The following TRMT11 variants were observed in gnomAD, a reference collection of about 807,000 sequenced individuals.
TRMT11 encodes the protein tRNA methyltransferase 11.
A neutral mutation model predicts 62.8 loss-of-function variants in TRMT11; 53 were observed. The observed-to-expected ratio is 0.84, with a 90% CI of 0.68 to 1.06. The LOEUF is 1.06. TRMT11 is among the 50% of genes least tolerant of loss of function. The pLI is 0.00. For synonymous variants in TRMT11, 188 were observed against 190.3 expected (o/e 0.99, Z 0.10); for missense variants, 556 against 553.4 (o/e 1.00, Z -0.05).
At chr6:126,171,726 C>CT (rs1462077735) in intron 21 of TRMT11, among the ~76,000 whole-genome samples, 2 of 151,812 alleles carry the variant, frequency 1.3e-5, no homozygotes, top group Admixed American at 1.3e-4. Context: ...AAGATTTTTT[C>CT]TTTTTTTAAG....
intron 21 of TRMT11, among the ~76,000 whole-genome samples, chr6:126,145,695 C>G (rs1344350172): frequency 6.6e-6 from 1 of 152,126 alleles, no homozygotes; most frequent in African/African-American, 2.4e-5. Context: ...TCTTCAACAG[C>G]CTTGTCACTT....
chr6:126,217,402 G>A, the TRMT11 span, among the ~76,000 whole-genome samples: 3 of 152,278 alleles, frequency 2.0e-5, no homozygotes, highest in East Asian at 3.9e-4. Context: ...TATTTGAAGC[G>A]ACTTGGGTGT....
chr6:126,133,779 G>A (rs1166170986), intron 21 of TRMT11, among the ~76,000 whole-genome samples: 1 of 151,930 alleles, frequency 6.6e-6, no homozygotes, highest in East Asian at 1.9e-4. Context: ...AAGCCCTTCA[G>A]ATCAGCATTG....
chr6:126,073,331 T>C (rs1432826275), intron 17 of TRMT11, among the ~76,000 whole-genome samples: 1 of 152,162 alleles, frequency 6.6e-6, no homozygotes, highest in Admixed American at 6.6e-5. Context: ...AATGAGAGAC[T>C]ACCAAAAAGA....
At chr6:126,255,517 C>A in the TRMT11 span, among the ~76,000 whole-genome samples, 4 of 152,168 alleles carry the variant, frequency 2.6e-5, no homozygotes, top group Non-Finnish European at 5.9e-5. Flanking sequence ...TAACCAATTT[C>A]TCTAATAAAA....
In TRMT11 at chr6:125,986,628, T is replaced by A. The variant is rs1467786243; in HGVS notation, c.72+6T>A. ...ATCTGGAGTTCCGCCTGCCGGTGAG[T>A]CCGTAGCGCCCTCCGGAACTTCCGA... On this transcript the variant is annotated splice_donor_region_variant and intron_variant, in intron 1 of 12. Transcript: ENST00000334379. The A allele has an allele frequency of 1.3e-6, 2 of 1,577,878 alleles. No individual in the cohort carries two copies. Among genetic ancestry groups the A allele is most frequent in the Middle Eastern group, 1.7e-4 (1 of 6,038 alleles).
chr6:126,152,981 T>G (rs1276466134), intron 21 of TRMT11, among the ~76,000 whole-genome samples: 1 of 152,146 alleles, frequency 6.6e-6, no homozygotes, highest in Non-Finnish European at 1.5e-5. Flanking sequence ...GTGATGGAAT[T>G]TCTTACACGC....
the TRMT11 span, among the ~76,000 whole-genome samples, chr6:126,217,917 A>G: frequency 6.6e-6 from 1 of 152,024 alleles, no homozygotes. Context: ...TTAGGAATCT[A>G]CCTAATTCTC....
chr6:126,176,716 G>T (rs887877577), upstream of TRMT11, among the ~76,000 whole-genome samples: 2 of 152,070 alleles, frequency 1.3e-5, no homozygotes, highest in Non-Finnish European at 2.9e-5. Context: ...GCAAAGTATG[G>T]GTAGTTTATT....
intron 21 of TRMT11, among the ~76,000 whole-genome samples, chr6:126,145,341 G>A (rs1777961921): frequency 1.3e-5 from 2 of 152,150 alleles, no homozygotes; most frequent in Non-Finnish European, 2.9e-5. Context: ...GAAAAAGAAA[G>A]AGAGCACAGA....
At chr6:126,269,332 A>C in the TRMT11 span, among the ~76,000 whole-genome samples, 1 of 152,006 alleles carries the variant, frequency 6.6e-6, no homozygotes, top group Non-Finnish European at 1.5e-5. Context: ...AAATATTTTC[A>C]AATTGGCTGA....
At chr6:126,002,238 ATTC>A (rs1380931323) in intron 7 of TRMT11, among the ~76,000 whole-genome samples, 6 of 152,318 alleles carry the variant, frequency 3.9e-5, no homozygotes, top group South Asian at 2.1e-4. Context: ...ACATGTATTT[ATTC>A]TTATATACTG....
In TRMT11 at chr6:125,991,536, G is replaced by A. The variant is rs547348435; in HGVS notation, c.73-2221G>A. Reference sequence around the variant, plus strand: ...TGCCAGGGTTGGTCTCAGACTCCCGGTCTCAAGTTATCTCTTTGCCTCGGC... The same window carrying A: ...TGCCAGGGTTGGTCTCAGACTCCCGATCTCAAGTTATCTCTTTGCCTCGGC... On this transcript the variant is annotated intron_variant, in intron 1 of 12. Transcript: ENST00000334379. 4.3e-4 allele frequency among the ~76,000 whole-genome samples: 65 copies of A among 152,178 alleles called. 1 individual carries two copies. The highest frequency in any genetic ancestry group is 2.9e-3 in the South Asian group (14 of 4,820).
At chr6:126,217,716 G>A in the TRMT11 span, among the ~76,000 whole-genome samples, 83 of 152,170 alleles carry the variant, frequency 5.5e-4, no homozygotes, top group African/African-American at 1.9e-3. Flanking sequence ...CACTAGGTGG[G>A]TCTTTTCTAT....
intron 16 of TRMT11, among the ~76,000 whole-genome samples, chr6:126,049,817 TAAGTG>T (rs1388083387): frequency 6.6e-6 from 1 of 152,140 alleles, no homozygotes. Flanking sequence ...AAAATTCAGT[TAAGTG>T]GAGAGAGGAA....
intron 12 of TRMT11, among the ~76,000 whole-genome samples, chr6:126,024,345 A>G (rs1208197191): frequency 6.6e-6 from 1 of 152,168 alleles, no homozygotes; most frequent in Non-Finnish European, 1.5e-5. Context: ...TCAGGTGTCC[A>G]CTGTCTTGCT....
At position 125,998,682 on chromosome 6, in the gene TRMT11, T is replaced by A; in HGVS notation, c.520T>A (p.Trp174Arg). The stretch of plus-strand genomic sequence containing the variant: ...TCCACATAATATTTATTTTGGTAGA[T>A]GGGTGAGCAAGTTTTCTTTCTACCT... The part of the protein sequence containing the change: ...ENPHNIYFGR[W>R]IADGQRELIE... Residue 174 changes from tryptophan to arginine, a missense_variant and splice_region_variant, in exon 6 of 13, where the codon TGG becomes AGG. Trp to Arg is a moderately radical substitution (Grantham distance 101). Coordinates refer to ENST00000334379, the MANE Select transcript of TRMT11 (RefSeq NM_001031712.3). 6.2e-7 allele frequency: 1 copy of A among 1,609,724 alleles called. No individual in the cohort carries two copies. Among genetic ancestry groups the A allele is most frequent in the East Asian group, 2.2e-5 (1 of 44,776 alleles).
At chr6:126,220,380 T>G in the TRMT11 span, among the ~76,000 whole-genome samples, 2 of 152,098 alleles carry the variant, frequency 1.3e-5, no homozygotes, top group Non-Finnish European at 2.9e-5. Flanking sequence ...ATTTGGAAGG[T>G]TTGCCCACAA....
chr6:126,193,488 G>GTTTTTTTTTTTTTTTT lies in TRMT11; in HGVS notation n.144-5310_144-5309insTTTTTTTTTTTTTTTT, dbSNP rs1778627491. On this transcript the variant is annotated intron_variant and non_coding_transcript_variant, in intron 1 of 3. Coordinates refer to the TRMT11 transcript ENST00000444229. ...TAGGTTATTTAAGAGGAGCGTTTCT[G>GTTTTTTTTTTTTTTTT]TATTTTTTTTTTTTTTTTTTTTTTT... is the stretch of plus-strand genomic sequence containing the variant. Among the ~76,000 whole-genome samples the GTTTTTTTTTTTTTTTT allele has an allele frequency of 1.1e-3, 133 of 118,088 alleles. 23 individuals are homozygous for GTTTTTTTTTTTTTTTT. The highest frequency in any genetic ancestry group is 4.8e-3 in the African/African-American group (128 of 26,856). 77.5% of individuals were successfully genotyped at this position (118,088 alleles called of 152,430 possible). A position where few individuals can be genotyped will look rare whatever the true frequency, so the allele number is the denominator to read the frequency against.
Sources: allele counts gnomAD v4.1 joint callset (sites outside exome capture counted in the v4.1 genomes callset), GRCh38; gene constraint gnomAD v4.1.1; transcripts MANE v1.5; gene names NCBI Gene and HGNC (gene_info 2026-07-23, HGNC 2026-07-21).